Variants in CYSLTR2 observed in about 807,000 individuals in gnomAD.
The protein encoded by CYSLTR2 is G-protein coupled receptor GPCR21.
For missense variants in CYSLTR2, 398 were observed against 411.9 expected (o/e 0.97, Z 0.29); for synonymous variants, 179 against 160.8 (o/e 1.11, Z -0.86).
chr13:48,689,482 T>A (rs1365128010), intron 1 of CYSLTR2, among the ~76,000 whole-genome samples: 1 of 152,232 alleles, frequency 6.6e-6, no homozygotes, highest in Non-Finnish European at 1.5e-5. Flanking sequence ...GGCTAGCCAG[T>A]TTTTCCAACA....
At chr13:48,660,231 C>T (rs1180659986) in intron 1 of CYSLTR2, among the ~76,000 whole-genome samples, 1 of 152,114 alleles carries the variant, frequency 6.6e-6, no homozygotes, top group Non-Finnish European at 1.5e-5. Flanking sequence ...GCAGAGGTGT[C>T]CCCTGGCATG....
chr13:48,679,292 A>G (rs1483243108), intron 1 of CYSLTR2, among the ~76,000 whole-genome samples: 14 of 152,028 alleles, frequency 9.2e-5, no homozygotes, highest in Non-Finnish European at 4.4e-5. Flanking sequence ...GCATTCTCAT[A>G]GCACTCTTGA....
chr13:48,668,378 G>T (rs1378794128), intron 1 of CYSLTR2, among the ~76,000 whole-genome samples: 2 of 152,128 alleles, frequency 1.3e-5, no homozygotes, highest in African/African-American at 4.8e-5. Context: ...AGGAAGAGGG[G>T]CAGGTTAGAG....
At chr13:48,668,234 TAA>T (rs57791346) in intron 1 of CYSLTR2, among the ~76,000 whole-genome samples, 7 of 136,562 alleles carry the variant, frequency 5.1e-5, no homozygotes, top group Admixed American at 7.3e-5. Flanking sequence ...GCCATAGGGA[TAA>T]AAAAAAAAAA....
rs1954098332 is a variant in CYSLTR2 at position 48,693,845 on chromosome 13, T to C, written c.-103+335T>C. ...AATCACTGTTAGACAAACAGAACAA[T>C]CTCCTCTTGAAGGTTTCTTCACTTT... On this transcript the variant is annotated intron_variant, in intron 3 of 4. Coordinates refer to ENST00000682523, the MANE Select transcript of CYSLTR2 (RefSeq NM_001308476.3). Among the ~76,000 whole-genome samples the C allele has an allele frequency of 3.3e-5, 5 of 152,302 alleles. No individual in the cohort carries two copies. In the South Asian group the frequency reaches 1.0e-3, roughly 32 times the overall value.
rs145528722 is a variant in CYSLTR2, at chr13:48,709,261, A to G, written c.*1403A>G. 4.5e-3 allele frequency: 757 copies of G among 167,196 alleles called. 3 individuals carry two copies. The highest frequency in any genetic ancestry group is 0.014 in the Middle Eastern group (4 of 296). The allele number at this position is 167,196 out of a possible 1,614,324, so 10.4% of individuals were successfully genotyped here. On this transcript the variant is annotated 3_prime_UTR_variant, in exon 5 of 5. Coordinates refer to ENST00000682523, the MANE Select transcript of CYSLTR2 (RefSeq NM_001308476.3). ...CCCTCCTCACTCTCACAAGAAAACC[A>G]AAAGTTTCTCTTCAGAGTTGTTGAC...
rs373044960 is a variant in CYSLTR2 at position 48,670,867 on chromosome 13, G to A, written c.-266+16850G>A. Reference sequence around the variant, plus strand: ...GCATTGAATCTATAAATTACTTTGCGCAGTATGGCCATTCTCATGATATTG... The same window carrying A: ...GCATTGAATCTATAAATTACTTTGCACAGTATGGCCATTCTCATGATATTG... On this transcript the variant is annotated intron_variant, in intron 1 of 4. Coordinates refer to ENST00000682523, the MANE Select transcript of CYSLTR2 (RefSeq NM_001308476.3). Among the ~76,000 whole-genome samples the A allele has an allele frequency of 3.5e-4, 54 of 152,272 alleles. 1 individual carries two copies. The highest frequency in any genetic ancestry group is 8.3e-4 in the South Asian group (4 of 4,824).
chr13:48,704,409 T>C (rs1367144665), intron 4 of CYSLTR2, among the ~76,000 whole-genome samples: 1 of 152,186 alleles, frequency 6.6e-6, no homozygotes, highest in Non-Finnish European at 1.5e-5. Flanking sequence ...CAATCGATTG[T>C]ATTGACTTTT....
At chr13:48,679,787 T>C (rs1246694336) in intron 1 of CYSLTR2, among the ~76,000 whole-genome samples, 1 of 152,144 alleles carries the variant, frequency 6.6e-6, no homozygotes, top group Admixed American at 6.6e-5. Flanking sequence ...CCCGGAGCCC[T>C]TGGGCAGGTT....
At chr13:48,702,989 C>T (rs1252543124) in intron 4 of CYSLTR2, among the ~76,000 whole-genome samples, 1 of 152,114 alleles carries the variant, frequency 6.6e-6, no homozygotes, top group African/African-American at 2.4e-5. Flanking sequence ...TTTCAGCATG[C>T]AAGTCCTGTA....
At chr13:48,686,112 C>G (rs1265063831) in intron 1 of CYSLTR2, among the ~76,000 whole-genome samples, 1 of 152,050 alleles carries the variant, frequency 6.6e-6, no homozygotes, top group Non-Finnish European at 1.5e-5. Flanking sequence ...TTTTTGACAT[C>G]ATTTACATGC....
intron 1 of CYSLTR2, among the ~76,000 whole-genome samples, chr13:48,677,378 A>G (rs1953625389): frequency 6.6e-6 from 1 of 152,174 alleles, no homozygotes; most frequent in African/African-American, 2.4e-5. Context: ...CAGGGTGTCT[A>G]GGTGCAAAAG....
intron 1 of CYSLTR2, among the ~76,000 whole-genome samples, chr13:48,663,751 T>C (rs1029725907): frequency 6.6e-6 from 1 of 152,008 alleles, no homozygotes; most frequent in Admixed American, 6.6e-5. Flanking sequence ...AGTCTTTCTA[T>C]ATATGAGATT....
At chr13:48,696,974 C>A (rs145414362) in intron 4 of CYSLTR2, among the ~76,000 whole-genome samples, 1 of 152,160 alleles carries the variant, frequency 6.6e-6, no homozygotes. Context: ...GGGCATCCAC[C>A]ATTGCTGAGG....
At chr13:48,682,092 C>T (rs977940131) in intron 1 of CYSLTR2, among the ~76,000 whole-genome samples, 2 of 152,088 alleles carry the variant, frequency 1.3e-5, no homozygotes, top group African/African-American at 2.4e-5. Flanking sequence ...GTTCTCATGC[C>T]TTGTCTCCTT....
At chr13:48,660,411 G>T (rs1352377663) in intron 1 of CYSLTR2, among the ~76,000 whole-genome samples, 1 of 152,096 alleles carries the variant, frequency 6.6e-6, no homozygotes, top group Non-Finnish European at 1.5e-5. Context: ...AAAGCAAAGG[G>T]TCACCAGCCT....
At chr13:48,685,120 T>G in intron 1 of CYSLTR2, among the ~76,000 whole-genome samples, 1 of 152,130 alleles carries the variant, frequency 6.6e-6, no homozygotes, top group Non-Finnish European at 1.5e-5. Flanking sequence ...TTCCATAGGC[T>G]GTACAGGAAG....
chr13:48,693,679 T>C (rs1402491542), intron 3 of CYSLTR2, among the ~76,000 whole-genome samples, 169 bp downstream of exon 3: 1 of 151,990 alleles, frequency 6.6e-6, no homozygotes, highest in Admixed American at 6.6e-5. Context: ...GGTTTATATG[T>C]AAAAGAATAG....
chr13:48,654,499 T>A (rs1304279538), intron 1 of CYSLTR2, among the ~76,000 whole-genome samples: 1 of 152,174 alleles, frequency 6.6e-6, no homozygotes, highest in Non-Finnish European at 1.5e-5. Context: ...CTTCCTCCAT[T>A]TTTGGCTGTT....
Sources: gnomAD v4.1 joint callset for allele counts (sites outside exome capture counted in the v4.1 genomes callset) on GRCh38, gnomAD v4.1.1 for gene constraint, MANE v1.5 for transcripts, NCBI Gene and HGNC (gene_info 2026-07-23, HGNC 2026-07-21) for gene names.